AK4: variants seen among roughly 807,000 people sequenced by gnomAD.
AK4 encodes adenylate kinase 4, mitochondrial.
Under a neutral mutation model 24.6 loss-of-function variants are expected in AK4, and 13 were observed. The ratio of observed to expected loss-of-function variants is 0.53; its 90% CI spans 0.34 to 0.84. The LOEUF (loss-of-function observed/expected upper bound fraction) is 0.84, where lower values mean the gene tolerates loss of function less well. Ranked by LOEUF, AK4 falls within the 40% of genes least tolerant of loss-of-function variation. AK4 has a pLI of 0.01. For missense variants in AK4, 192 were observed against 288.2 expected, an observed-to-expected ratio of 0.67 and a Z score of 2.42; for synonymous variants, 88 against 107.0, an observed-to-expected ratio of 0.82 and a Z score of 1.10.
intron 2 of AK4, among the ~76,000 whole-genome samples, chr1:65,199,952 A>G (rs537651868): frequency 5.9e-5 from 9 of 152,290 alleles, no homozygotes; most frequent in Non-Finnish European, 1.0e-4. Flanking sequence ...TTCTAACATG[A>G]TAAGTATTTG....
chr1:65,167,096 C>T (rs1650357685), intron 1 of AK4, among the ~76,000 whole-genome samples: 1 of 152,192 alleles, frequency 6.6e-6, no homozygotes, highest in African/African-American at 2.4e-5. Flanking sequence ...CACACCACTG[C>T]ACCTCCAGCC....
At chr1:65,168,346 A>G (rs1266042670) in intron 1 of AK4, among the ~76,000 whole-genome samples, 1 of 152,064 alleles carries the variant, frequency 6.6e-6, no homozygotes, top group Non-Finnish European at 1.5e-5. Context: ...AGGTTTCACC[A>G]TGTTGGTAAG....
chr1:65,154,995 C>T (rs780624042), intron 1 of AK4, among the ~76,000 whole-genome samples: 3 of 151,644 alleles, frequency 2.0e-5, no homozygotes, highest in East Asian at 2.0e-4. Context: ...GGATTACAGG[C>T]GCCCACCACC....
intron 2 of AK4, among the ~76,000 whole-genome samples, chr1:65,194,278 G>A (rs1027559077): frequency 6.6e-6 from 1 of 152,140 alleles, no homozygotes; most frequent in Non-Finnish European, 1.5e-5. Flanking sequence ...CTAGTTCATT[G>A]CTCTTAAGTT....
At chr1:65,189,813 A>G (rs554606601) in intron 1 of AK4, among the ~76,000 whole-genome samples, 1 of 152,220 alleles carries the variant, frequency 6.6e-6, no homozygotes, top group Non-Finnish European at 1.5e-5. Context: ...GAAAGTATTT[A>G]TGTGGTTTTG....
chr1:65,203,136 G>A (rs2101059826), intron 2 of AK4, among the ~76,000 whole-genome samples: 1 of 152,196 alleles, frequency 6.6e-6, no homozygotes, highest in East Asian at 1.9e-4. Context: ...GCCCCTCAGA[G>A]TGCTGAGATT....
intron 1 of AK4, among the ~76,000 whole-genome samples, chr1:65,166,799 A>G (rs112900029): frequency 0.16 from 24,437 of 152,096 alleles, 2,992 homozygotes; most frequent in African/African-American, 0.33. Context: ...GGGATTACAG[A>G]TGTGAGCCAC....
chr1:65,179,370 G>T (rs1650823859), intron 1 of AK4, among the ~76,000 whole-genome samples: 1 of 152,160 alleles, frequency 6.6e-6, no homozygotes, highest in Non-Finnish European at 1.5e-5. Flanking sequence ...TAAGAAAATG[G>T]ACTGGGGCCA....
At chr1:65,163,312 GATTCACGA>G (rs775633087) in intron 1 of AK4, among the ~76,000 whole-genome samples, 64 of 152,232 alleles carry the variant, frequency 4.2e-4, no homozygotes, top group Non-Finnish European at 8.7e-4. Context: ...AGCAATGAAT[GATTCACGA>G]ATCGGGCAGC....
At chr1:65,207,182 CT>C (rs760771064) in intron 2 of AK4, among the ~76,000 whole-genome samples, 5 of 152,128 alleles carry the variant, frequency 3.3e-5, no homozygotes, top group Non-Finnish European at 5.9e-5. Flanking sequence ...TTTTTAAAGT[CT>C]TTTTCTTTTT....
chr1:65,178,477 C>T (rs763376111), intron 1 of AK4, among the ~76,000 whole-genome samples: 1 of 152,208 alleles, frequency 6.6e-6, no homozygotes, highest in Admixed American at 6.5e-5. Context: ...GCCCACAGGG[C>T]TGCCTCTTCC....
chr1:65,225,008 T>C, intron 4 of AK4, 138 bp downstream of exon 4: 1 of 599,262 alleles, frequency 1.7e-6, no homozygotes, highest in East Asian at 2.9e-5. Flanking sequence ...TTCCCAGAAG[T>C]CAGATGAAAT....
Position 65,148,211 on chromosome 1 carries a change from T to A in AK4, c.-197T>A. 8.3e-7 allele frequency: 1 copy of A among 1,204,956 alleles called. No homozygotes were observed. Among genetic ancestry groups the A allele is most frequent in the Non-Finnish European group, 1.1e-6 (1 of 901,422 alleles). 74.6% of individuals were successfully genotyped at this position (1,204,956 alleles called of 1,614,324 possible). ...GGTGTAGCGTGGCGCTCAGTCCGCC[T>A]GCTACTCGGTCCCGGCGCTGGGCTG... On this transcript the variant is annotated 5_prime_UTR_variant, in exon 1 of 5. Coordinates refer to ENST00000327299, the MANE Select transcript of AK4 (RefSeq NM_013410.4).
chr1:65,212,322 G>A (rs531688516), intron 2 of AK4, among the ~76,000 whole-genome samples: 64 of 151,700 alleles, frequency 4.2e-4, no homozygotes, highest in Middle Eastern at 6.8e-3. Context: ...TTTGAGACAG[G>A]GTTTCCCTGT....
intron 2 of AK4, among the ~76,000 whole-genome samples, chr1:65,194,141 C>G (rs1651397559): frequency 6.6e-6 from 1 of 152,142 alleles, no homozygotes; most frequent in Non-Finnish European, 1.5e-5. Flanking sequence ...GAGTTCAAAC[C>G]CGTATCTTCA....
At chr1:65,190,854 G>A (rs752441127) in intron 2 of AK4, 25 bp downstream of exon 2, 8 of 1,610,516 alleles carry the variant, frequency 5.0e-6, no homozygotes, top group East Asian at 2.2e-5. Context: ...TGGGTAAACC[G>A]AATTTCTGGG....
At chr1:65,148,816 A>G (rs909843650) in intron 1 of AK4, among the ~76,000 whole-genome samples, 1 of 151,920 alleles carries the variant, frequency 6.6e-6, no homozygotes, top group Non-Finnish European at 1.5e-5. Context: ...AGCCCGAGCC[A>G]CCCGGCCGAG....
At chr1:65,182,971 A>T (rs188605911) in intron 1 of AK4, among the ~76,000 whole-genome samples, 23 of 152,270 alleles carry the variant, frequency 1.5e-4, no homozygotes, top group Non-Finnish European at 7.4e-5. Flanking sequence ...AACTTTTGCT[A>T]TTGAAAGCTT....
At chr1:65,204,047 A>G (rs1651742592) in intron 2 of AK4, among the ~76,000 whole-genome samples, 1 of 152,194 alleles carries the variant, frequency 6.6e-6, no homozygotes, top group Non-Finnish European at 1.5e-5. Context: ...TGCAACGGAA[A>G]GCAACAAATC....
Sources: gnomAD v4.1 joint callset for allele counts (sites outside exome capture counted in the v4.1 genomes callset) on GRCh38, gnomAD v4.1.1 for gene constraint, MANE v1.5 for transcripts, NCBI Gene and HGNC (gene_info 2026-07-23, HGNC 2026-07-21) for gene names.